UNC80: variants seen among roughly 807,000 people sequenced by gnomAD.
UNC80 encodes protein unc-80 homolog.
A neutral mutation model predicts 384.6 loss-of-function variants in UNC80; 164 were observed. That is an observed-to-expected ratio of 0.43 (90% CI 0.38 to 0.49). The LOEUF is 0.49. UNC80 is among the 20% of genes least tolerant of loss of function. The pLI, the probability that UNC80 is intolerant of heterozygous loss-of-function variation, is 0.00. For synonymous variants in UNC80, 1,486 were observed against 1,527.8 expected (o/e 0.97, Z 0.64); for missense variants, 3,330 against 4,143.0 (o/e 0.80, Z 5.39).
rs879090502 is a variant in UNC80, at chr2:209,936,745, G to T, written c.6274-99G>T. 2.5e-4 allele frequency: 186 copies of T among 738,352 alleles called. 2 individuals are homozygous for T. In the East Asian group the frequency reaches 4.6e-3, roughly 18 times the overall value. The allele number at this position is 738,352 out of a possible 1,614,324, so 45.7% of individuals were successfully genotyped here. On this transcript the variant is annotated intron_variant, in intron 40 of 64. Transcript: ENST00000673920. ...TATATACAGATAATTCTCGTAAGAGGTTACCTTGTTTTTTCAAAATTTGTA... is the reference window on the plus strand; with the variant it reads ...TATATACAGATAATTCTCGTAAGAGTTTACCTTGTTTTTTCAAAATTTGTA...
In UNC80 at chr2:209,771,892, A is replaced by G. The variant is rs542320565; in HGVS notation, c.-181A>G. On this transcript the variant is annotated 5_prime_UTR_variant, in exon 1 of 65. The change abolishes an upstream ATG in the 5' untranslated region. Coordinates refer to ENST00000673920, the MANE Select transcript of UNC80 (RefSeq NM_001371986.1). ...CCAGCCCTCCCCTCCTCCCGCAGCC[A>G]TGTTCCACGCGCGGGGAGGGGTGGG... 2 of 591,348 alleles carry G rather than the reference A, an allele frequency of 3.4e-6. No individual in the cohort carries two copies. Among genetic ancestry groups the G allele is most frequent in the South Asian group, 3.6e-5 (2 of 55,060 alleles). The allele number at this position is 591,348 out of a possible 1,614,324, so 36.6% of individuals were successfully genotyped here.
intron 13 of UNC80, among the ~76,000 whole-genome samples, chr2:209,822,427 G>A (rs2080203248): frequency 1.3e-5 from 2 of 151,998 alleles, no homozygotes. Context: ...AAGTTATAAG[G>A]CCCAAATTTA....
Position 209,999,296 on chromosome 2 carries a change from A to C in UNC80, c.*3701A>C, listed in dbSNP as rs2093526094. The C allele has an allele frequency of 6.6e-6, 1 of 152,234 alleles. No individual in the cohort carries two copies. Among genetic ancestry groups the C allele is most frequent in the South Asian group, 2.1e-4 (1 of 4,838 alleles). 9.4% of individuals were successfully genotyped at this position (152,234 alleles called of 1,614,324 possible). ...GATAAAATAAATCTAAAAACATTAA[A>C]GATGCCTAAGTTTCATTTCTTAATG... is the stretch of plus-strand genomic sequence containing the variant. On this transcript the variant is annotated 3_prime_UTR_variant, in exon 65 of 65. Coordinates refer to ENST00000673920, the MANE Select transcript of UNC80 (RefSeq NM_001371986.1).
intron 31 of UNC80, among the ~76,000 whole-genome samples, chr2:209,915,648 G>A (rs2089458192): frequency 6.6e-6 from 1 of 152,160 alleles, no homozygotes; most frequent in African/African-American, 2.4e-5. Context: ...ATACAGCAAT[G>A]TTGTATACAG....
intron 61 of UNC80, among the ~76,000 whole-genome samples, chr2:209,990,761 T>C (rs1036749116): frequency 2.0e-5 from 3 of 152,344 alleles, no homozygotes; most frequent in African/African-American, 4.8e-5. Flanking sequence ...AGGTTATATA[T>C]GTATAAGGAT....
intron 45 of UNC80, among the ~76,000 whole-genome samples, chr2:209,944,635 C>G (rs2091822668): frequency 6.6e-6 from 1 of 152,102 alleles, no homozygotes; most frequent in South Asian, 2.1e-4. Flanking sequence ...TGTGGAGATA[C>G]ATTATCAAAG....
In UNC80 at chr2:209,813,616, C is replaced by G. The variant is rs1027887992; in HGVS notation, c.975C>G (p.Arg325=). 2.6e-6 allele frequency: 4 copies of G among 1,551,848 alleles called. No homozygotes were observed. Among genetic ancestry groups the G allele is most frequent in the East Asian group, 4.9e-5 (2 of 40,922 alleles). The change falls in exon 8 of 65, where the codon CGC becomes CGG. Residue 325 remains arginine, a synonymous_variant. Transcript: ENST00000673920. ...TGATACCTCCGTGCCAAAGGTCCCG[C>G]TATGCCACCTACTTTGACGTTGCTG... ...SLVIPPCQRS[R]YATYFDVAVL...
intron 12 of UNC80, among the ~76,000 whole-genome samples, chr2:209,819,520 A>G (rs143947886): frequency 1.1e-3 from 166 of 152,236 alleles, no homozygotes; most frequent in African/African-American, 3.7e-3. Context: ...CTGAATATAC[A>G]TATATAAATA....
rs886395407 is a variant in UNC80, at chr2:209,973,349, G to GATAA, written c.8587+91_8587+94dup. Reference sequence around the variant, plus strand: ...GTGAAAATATATGTGTAGATAGATAGATAAATAAATAAATAGATGTACTTA... The same window carrying GATAA: ...GTGAAAATATATGTGTAGATAGATAGATAAATAAATAAATAAATAGATGTACTTA... On this transcript the variant is annotated intron_variant, in intron 56 of 64. Transcript: ENST00000673920. The GATAA allele has an allele frequency of 3.4e-5, 42 of 1,249,644 alleles. No homozygotes were observed. In the South Asian group the frequency reaches 4.4e-4, roughly 13 times the overall value. 77.4% of individuals were successfully genotyped at this position (1,249,644 alleles called of 1,614,324 possible). A position where few individuals can be genotyped will look rare whatever the true frequency, so the allele number is the denominator to read the frequency against.
chr2:209,820,124 G>T (rs372922462), intron 12 of UNC80, among the ~76,000 whole-genome samples, 187 bp from the exon 13 acceptor site: 1 of 152,052 alleles, frequency 6.6e-6, no homozygotes, highest in Non-Finnish European at 1.5e-5. Flanking sequence ...TGACTTACAC[G>T]CTCTATTAAG....
intron 26 of UNC80, among the ~76,000 whole-genome samples, chr2:209,892,827 G>T (rs1268631487): frequency 6.6e-6 from 1 of 152,132 alleles, no homozygotes; most frequent in Non-Finnish European, 1.5e-5. Context: ...TGTGAGTTTT[G>T]TGCTATAATT....
At chr2:209,840,152 G>A (rs760672717) in intron 19 of UNC80, among the ~76,000 whole-genome samples, 1 of 152,178 alleles carries the variant, frequency 6.6e-6, no homozygotes, top group African/African-American at 2.4e-5. Context: ...AAGTAGATAA[G>A]GGAGACCAGA....
At position 209,813,726 on chromosome 2, in the gene UNC80, T is replaced by C; in HGVS notation, c.1085T>C (p.Met362Thr). 1 of 1,551,712 alleles carries C rather than the reference T, an allele frequency of 6.4e-7. No individual in the cohort carries two copies. The highest frequency in any genetic ancestry group is 8.7e-7 in the Non-Finnish European group (1 of 1,147,006). Reference protein sequence around the residue: ...LMYYLQRLRHMLEEKPEKPPE... With the variant: ...LMYYLQRLRHTLEEKPEKPPE... ...TACTATCTACAAAGGCTGCGACACA[T>C]GTTGGAAGAGAAGCCAGAAAAGCCT... Residue 362 changes from methionine to threonine, a missense_variant, in exon 8 of 65, where the codon ATG becomes ACG. Met to Thr is a moderately conservative substitution (Grantham distance 81). Around this residue, in one of 8 missense-constraint regions of UNC80, gnomAD observed 937 missense variants for 1,026.8 expected, o/e 0.91. Coordinates refer to ENST00000673920, the MANE Select transcript of UNC80 (RefSeq NM_001371986.1).
chr2:209,869,258 A>G (rs893851881), intron 22 of UNC80: 2 of 152,180 alleles, frequency 1.3e-5, no homozygotes, highest in Non-Finnish European at 2.9e-5. Context: ...AAAGAGGGAA[A>G]ATTGACTTTC....
intron 3 of UNC80, 128 bp downstream of exon 3, chr2:209,776,173 C>T (rs2153824596): frequency 1.7e-6 from 2 of 1,191,648 alleles, no homozygotes; most frequent in Middle Eastern, 5.0e-4. Context: ...ATTTAATTAT[C>T]ACAAAATCCT....
intron 48 of UNC80, among the ~76,000 whole-genome samples, chr2:209,954,808 G>A (rs548731185): frequency 1.3e-5 from 2 of 152,280 alleles, no homozygotes; most frequent in South Asian, 2.1e-4. Flanking sequence ...CTGTGGGACA[G>A]GATTAAATAA....
intron 35 of UNC80, among the ~76,000 whole-genome samples, chr2:209,925,025 G>A (rs1049957565): frequency 2.0e-5 from 3 of 151,986 alleles, no homozygotes; most frequent in African/African-American, 7.3e-5. Flanking sequence ...GGCTCCTAAG[G>A]ACCTAGGAAG....
intron 23 of UNC80, 23 bp from the exon 24 acceptor site, chr2:209,877,931 C>A (rs200131332): frequency 1.9e-4 from 284 of 1,509,538 alleles, no homozygotes; most frequent in Middle Eastern, 1.7e-4. Flanking sequence ...TGTGCTGTTT[C>A]ATTGTTTTCC....
rs905160109 is a variant in UNC80 at position 209,849,600 on chromosome 2, A to G, written c.3604A>G (p.Ile1202Val). 6.4e-7 allele frequency: 1 copy of G among 1,550,718 alleles called. No individual in the cohort carries two copies. The highest frequency in any genetic ancestry group is 8.7e-7 in the Non-Finnish European group (1 of 1,146,452). The change falls in exon 22 of 65, where the codon ATC (isoleucine) becomes GTC (valine). Residue 1202 changes from isoleucine to valine, a missense_variant. By Grantham distance (29) the Ile-to-Val change is conservative. Coordinates refer to ENST00000673920, the MANE Select transcript of UNC80 (RefSeq NM_001371986.1). The part of the protein sequence containing the change: ...CEPGTIPDAS[I>V]LAAALDLEAP... The stretch of plus-strand genomic sequence containing the variant: ...GCCAGGGACAATTCCTGATGCCTCC[A>G]TCCTAGCAGCTGCCTTGGATCTAGT...
Sources: allele counts gnomAD v4.1 joint callset (sites outside exome capture counted in the v4.1 genomes callset), GRCh38; gene constraint gnomAD v4.1.1; regional missense constraint gnomAD v4.1.1; transcripts MANE v1.5; gene names NCBI Gene and HGNC (gene_info 2026-07-23, HGNC 2026-07-21).